IGF2BP2: variants seen among roughly 807,000 people sequenced by gnomAD.
IGF2BP2 encodes insulin-like growth factor 2 mRNA-binding protein 2.
Under a neutral mutation model 75.8 loss-of-function variants are expected in IGF2BP2, and 17 were observed. The ratio of observed to expected loss-of-function variants is 0.22; its 90% CI spans 0.15 to 0.34. The LOEUF (loss-of-function observed/expected upper bound fraction) is 0.34. IGF2BP2 is among the 10% of genes least tolerant of loss of function. The pLI, the probability that IGF2BP2 is intolerant of heterozygous loss-of-function variation, is 1.00. For synonymous variants in IGF2BP2, 288 were observed against 295.6 expected, an observed-to-expected ratio of 0.97 and a Z score of 0.26; for missense variants, 516 against 772.4, an observed-to-expected ratio of 0.67 and a Z score of 3.93.
intron 2 of IGF2BP2, chr3:185,724,993 T>A (rs1039966619): frequency 6.6e-6 from 1 of 152,140 alleles, no homozygotes; most frequent in East Asian, 1.9e-4. Flanking sequence ...AAGCAACACA[T>A]GGAGAGGCCA....
At chr3:185,824,701 C>T (rs748144864) in intron 1 of IGF2BP2, 82 bp downstream of exon 1, 6 of 1,113,690 alleles carry the variant, frequency 5.4e-6, no homozygotes, top group Non-Finnish European at 6.8e-6. Context: ...CGGGCGCCGC[C>T]CGCCGGACTC....
intron 10 of IGF2BP2, among the ~76,000 whole-genome samples, chr3:185,664,198 C>T (rs1315766171): frequency 2.0e-5 from 3 of 152,132 alleles, no homozygotes; most frequent in Non-Finnish European, 4.4e-5. Flanking sequence ...GCTAGGAACT[C>T]GTGAGCCAGC....
chr3:185,726,170 A>G (rs1727300424), intron 2 of IGF2BP2, among the ~76,000 whole-genome samples: 1 of 152,180 alleles, frequency 6.6e-6, no homozygotes, highest in Admixed American at 6.5e-5. Context: ...GATCATCATT[A>G]GTGCCAAATG....
chr3:185,692,899 T>A (rs1722139719), intron 4 of IGF2BP2, 137 bp from the exon 5 acceptor site: 1 of 693,304 alleles, frequency 1.4e-6, no homozygotes, highest in Admixed American at 2.4e-5. Flanking sequence ...CATCTCTACG[T>A]TTATTCATCT....
intron 2 of IGF2BP2, among the ~76,000 whole-genome samples, chr3:185,760,006 A>C (rs920497026): frequency 2.8e-4 from 42 of 152,222 alleles, no homozygotes; most frequent in Non-Finnish European, 4.4e-4. Flanking sequence ...TTATTTATAA[A>C]TACTTCAGTA....
At chr3:185,684,660 G>C (rs559435350) in intron 7 of IGF2BP2, among the ~76,000 whole-genome samples, 1 of 152,294 alleles carries the variant, frequency 6.6e-6, no homozygotes, top group South Asian at 2.1e-4. Flanking sequence ...GCCCGCTTCA[G>C]CCTCCCAAAG....
rs143576324 is a variant in IGF2BP2, at chr3:185,696,041, C to T, written c.340+571G>A. 3.2e-3 allele frequency among the ~76,000 whole-genome samples: 493 copies of T among 152,306 alleles called. 5 individuals carry two copies. The highest frequency in any genetic ancestry group is 0.011 in the African/African-American group (460 of 41,560). ...GCCTCATGTGATCTGCCCACCTGGG[C>T]GTCACAAAGTGCTGGGATTACAGGT... On this transcript the variant is annotated intron_variant, in intron 4 of 15. Coordinates refer to ENST00000382199, the MANE Select transcript of IGF2BP2 (RefSeq NM_006548.6).
chr3:185,812,666 T>A (rs1350245186), intron 2 of IGF2BP2, among the ~76,000 whole-genome samples: 2 of 152,310 alleles, frequency 1.3e-5, no homozygotes, highest in South Asian at 2.1e-4. Flanking sequence ...GCAAACCCCT[T>A]TTCTAAACCA....
At chr3:185,734,044 T>C (rs909253156) in intron 2 of IGF2BP2, among the ~76,000 whole-genome samples, 4 of 152,176 alleles carry the variant, frequency 2.6e-5, no homozygotes, top group African/African-American at 4.8e-5. Flanking sequence ...GAAGTATTTT[T>C]CACAAGAACC....
At chr3:185,813,798 C>T (rs552752156) in intron 2 of IGF2BP2, among the ~76,000 whole-genome samples, 4 of 152,330 alleles carry the variant, frequency 2.6e-5, no homozygotes, top group South Asian at 4.1e-4. Context: ...CCCCAACCCT[C>T]GGCCAACCAG....
chr3:185,824,941 A>G lies in IGF2BP2; in HGVS notation c.20T>C (p.Ile7Thr). 5.8e-6 allele frequency: 9 copies of G among 1,549,352 alleles called. No homozygotes were observed. The highest frequency in any genetic ancestry group is 7.9e-6 in the Non-Finnish European group (9 of 1,142,990). Residue 7 changes from isoleucine (I) to threonine (T), a missense_variant, in exon 1 of 16, where the codon ATC becomes ACC. Ile to Thr is a moderately conservative substitution (Grantham distance 89). Coordinates refer to ENST00000382199, the MANE Select transcript of IGF2BP2 (RefSeq NM_006548.6). MMNKLY[I>T]GNLSPAVTAD... is the part of the protein sequence containing the mutation. Reference sequence around the variant, plus strand: ...GGTGACGGCGGGGCTCAGGTTCCCGATGTAAAGCTTGTTCATCATCCGTCT... The same window carrying G: ...GGTGACGGCGGGGCTCAGGTTCCCGGTGTAAAGCTTGTTCATCATCCGTCT...
chr3:185,804,917 A>G (rs934009147), intron 2 of IGF2BP2, among the ~76,000 whole-genome samples: 1 of 150,992 alleles, frequency 6.6e-6, no homozygotes, highest in African/African-American at 2.4e-5. Flanking sequence ...GGCGCAAACC[A>G]GGGAGGCGGA....
intron 2 of IGF2BP2, among the ~76,000 whole-genome samples, chr3:185,775,943 G>A (rs1202254182): frequency 6.6e-6 from 1 of 152,170 alleles, no homozygotes; most frequent in African/African-American, 2.4e-5. Flanking sequence ...TTTGGAATTG[G>A]AAACAGCCTA....
intron 7 of IGF2BP2, among the ~76,000 whole-genome samples, chr3:185,685,472 T>C (rs1242066663): frequency 6.6e-6 from 1 of 152,156 alleles, no homozygotes; most frequent in Non-Finnish European, 1.5e-5. Flanking sequence ...TAATTCATAA[T>C]AGAAAGGATA....
intron 2 of IGF2BP2, among the ~76,000 whole-genome samples, chr3:185,762,768 A>G (rs1732550204): frequency 6.6e-6 from 1 of 152,170 alleles, no homozygotes; most frequent in East Asian, 1.9e-4. Context: ...GCAATTGAAG[A>G]GGCACAGATG....
At chr3:185,716,365 A>G in intron 2 of IGF2BP2, 1 of 431,274 alleles carries the variant, frequency 2.3e-6, no homozygotes, top group South Asian at 1.8e-5. Flanking sequence ...TTGGTCTACA[A>G]TACAATCTTA....
At chr3:185,737,975 C>A (rs949249592) in intron 2 of IGF2BP2, among the ~76,000 whole-genome samples, 3 of 152,150 alleles carry the variant, frequency 2.0e-5, no homozygotes, top group African/African-American at 7.2e-5. Context: ...CTCAAATTTC[C>A]AAATAGTTTC....
intron 2 of IGF2BP2, among the ~76,000 whole-genome samples, chr3:185,719,613 C>T (rs1726189240): frequency 6.6e-6 from 1 of 152,184 alleles, no homozygotes; most frequent in African/African-American, 2.4e-5. Flanking sequence ...GCAGGTGGAT[C>T]ACCTGAGGTC....
At chr3:185,651,975 TG>T in intron 13 of IGF2BP2, 118 bp downstream of exon 13, 2 of 670,818 alleles carry the variant, frequency 3.0e-6, no homozygotes, top group Non-Finnish European at 4.8e-6. Context: ...CTGAGCTTGG[TG>T]GGCAGCAGCA....
Sources: gnomAD v4.1 joint callset for allele counts (sites outside exome capture counted in the v4.1 genomes callset) on GRCh38, gnomAD v4.1.1 for gene constraint, MANE v1.5 for transcripts, NCBI Gene and HGNC (gene_info 2026-07-23, HGNC 2026-07-21) for gene names.